Variants in CABYR observed in about 807,000 individuals in gnomAD.
CABYR encodes calcium binding tyrosine phosphorylation regulated, also known as calcium-binding tyrosine phosphorylation-regulated protein.
A neutral mutation model predicts 36.1 loss-of-function variants in CABYR; 31 were observed. The ratio of observed to expected loss-of-function variants is 0.86; its 90% confidence interval spans 0.64 to 1.16. The LOEUF is 1.16. CABYR is among the 50% of genes most tolerant of loss of function. The pLI is 0.00. For missense variants in CABYR, 429 were observed against 455.8 expected (o/e 0.94, Z 0.53); for synonymous variants, 146 against 160.7 (o/e 0.91, Z 0.69).
In CABYR at chr18:24,155,735, G is replaced by A; in HGVS notation, c.234G>A (p.Lys78=). 1 of 1,610,548 alleles carries A rather than the reference G, an allele frequency of 6.2e-7. No homozygotes were observed. Among genetic ancestry groups the A allele is most frequent in the South Asian group, 1.1e-5 (1 of 90,466 alleles). Residue 78 remains lysine (K), a synonymous_variant, in exon 4 of 6, where the codon AAG becomes AAA. Transcript: ENST00000399496. The part of the protein sequence containing the change: ...EKWSEGTTPQ[K]KLECLKEPGK... Reference sequence around the variant, plus strand: ...GGTCAGAAGGAACGACACCACAGAAGAAATTAGAATGTTTAAAAGAACCAG... The same window carrying A: ...GGTCAGAAGGAACGACACCACAGAAAAAATTAGAATGTTTAAAAGAACCAG...
At chr18:24,160,140 C>T (rs2085914167) in intron 5 of CABYR, 71 bp downstream of exon 5, 1 of 1,056,334 alleles carries the variant, frequency 9.5e-7, no homozygotes, top group Admixed American at 2.3e-5. Context: ...GATTTCTTGA[C>T]CTGGAGATTT....
At chr18:24,143,910 T>TC (rs1450791039) in intron 3 of CABYR, among the ~76,000 whole-genome samples, 1 of 151,554 alleles carries the variant, frequency 6.6e-6, no homozygotes, top group African/African-American at 2.4e-5. Context: ...TTTTTTTTTT[T>TC]CCTTTGCAAT....
chr18:24,155,787 C>G lies in CABYR; in HGVS notation c.286C>G (p.Pro96Ala), dbSNP rs1457643830. 3.7e-6 allele frequency: 6 copies of G among 1,613,832 alleles called. No individual in the cohort carries two copies. The highest frequency in any genetic ancestry group is 1.3e-5 in the African/African-American group (1 of 74,894). Residue 96 changes from proline to alanine, a missense_variant, in exon 4 of 6, where the codon CCT becomes GCT. Pro to Ala is a conservative substitution (Grantham distance 27). Coordinates refer to ENST00000399496, the MANE Select transcript of CABYR (RefSeq NM_153769.3). ...AAAAACATCTGTAGAATCTAAAGTA[C>G]CTACCCAGATGGAAAAATCTACAGA... The part of the protein sequence containing the change: ...PGKTSVESKV[P>A]TQMEKSTDTD...
At chr18:24,142,276 G>A (rs1041651582) in intron 1 of CABYR, among the ~76,000 whole-genome samples, 12 of 151,996 alleles carry the variant, frequency 7.9e-5, no homozygotes, top group African/African-American at 2.7e-4. Context: ...CTGAGATCAC[G>A]CCACTGCACT....
chr18:24,141,338 C>T (rs1425571930), intron 1 of CABYR, among the ~76,000 whole-genome samples: 1 of 152,154 alleles, frequency 6.6e-6, no homozygotes, highest in Non-Finnish European at 1.5e-5. Flanking sequence ...TGCCACTTAA[C>T]CCCGTGAAAC....
intron 3 of CABYR, chr18:24,152,790 C>T (rs2085674525): frequency 6.6e-6 from 1 of 152,218 alleles, no homozygotes; most frequent in African/African-American, 2.4e-5. Context: ...AATCCAATCC[C>T]TAGATTGGCT....
chr18:24,155,743 A>G lies in CABYR; in HGVS notation c.242A>G (p.Glu81Gly). 2 of 1,611,970 alleles carry G rather than the reference A, an allele frequency of 1.2e-6. No individual in the cohort carries two copies. The highest frequency in any genetic ancestry group is 1.7e-6 in the Non-Finnish European group (2 of 1,179,348). ...GGAACGACACCACAGAAGAAATTAGAATGTTTAAAAGAACCAGGAAAAACA... is the reference window on the plus strand; with the variant it reads ...GGAACGACACCACAGAAGAAATTAGGATGTTTAAAAGAACCAGGAAAAACA... ...SEGTTPQKKL[E>G]CLKEPGKTSV... The change falls in exon 4 of 6, where the codon GAA (glutamate) becomes GGA (glycine). Residue 81 changes from glutamate (E) to glycine (G), a missense_variant. Coordinates refer to ENST00000399496, the MANE Select transcript of CABYR (RefSeq NM_153769.3).
chr18:24,141,819 A>G (rs1370819354), intron 1 of CABYR, among the ~76,000 whole-genome samples: 1 of 152,204 alleles, frequency 6.6e-6, no homozygotes, highest in Non-Finnish European at 1.5e-5. Flanking sequence ...ACCACTTAAA[A>G]GGCAGAAAGG....
At chr18:24,157,335 G>A (rs761741585) in intron 4 of CABYR, among the ~76,000 whole-genome samples, 2 of 152,192 alleles carry the variant, frequency 1.3e-5, no homozygotes, top group African/African-American at 2.4e-5. Context: ...TTGCAAAACT[G>A]TAATTAGAGG....
intron 4 of CABYR, 76 bp downstream of exon 4, chr18:24,156,118 T>C: frequency 6.2e-7 from 1 of 1,614,194 alleles, no homozygotes; most frequent in Non-Finnish European, 8.5e-7. Context: ...CCTGTTGTTA[T>C]CAAGGAGGTG....
chr18:24,140,549 G>A (rs1048636451), intron 1 of CABYR, among the ~76,000 whole-genome samples: 3 of 151,924 alleles, frequency 2.0e-5, no homozygotes, highest in African/African-American at 7.3e-5. Context: ...TTTATCCTTT[G>A]TGTTACAAAC....
At chr18:24,154,299 A>G (rs1301146137) in intron 3 of CABYR, among the ~76,000 whole-genome samples, 1 of 152,128 alleles carries the variant, frequency 6.6e-6, no homozygotes, top group Non-Finnish European at 1.5e-5. Context: ...TACATGTAGT[A>G]TGTAGCACAA....
At chr18:24,160,185 G>A (rs1277131220) in intron 5 of CABYR, 116 bp downstream of exon 5, 3 of 780,558 alleles carry the variant, frequency 3.8e-6, no homozygotes, top group African/African-American at 1.7e-5. Context: ...AATAAGTTGG[G>A]GTATACTCTA....
chr18:24,158,032 C>T (rs563313074), intron 4 of CABYR, among the ~76,000 whole-genome samples: 19 of 152,274 alleles, frequency 1.2e-4, no homozygotes, highest in East Asian at 5.8e-4. Context: ...CAGAGGGCAG[C>T]GCTGGGAGTG....
intron 5 of CABYR, 134 bp from the exon 6 acceptor site, chr18:24,161,382 A>C (rs1207536800): frequency 1.4e-5 from 8 of 582,120 alleles, no homozygotes; most frequent in Admixed American, 6.2e-5. Flanking sequence ...TCAGTGCAAA[A>C]GCCCATAGGT....
In CABYR at chr18:24,143,023, A is replaced by C. The variant is rs1202110086; in HGVS notation, c.-24-68A>C. The C allele has an allele frequency of 3.0e-5, 4 of 134,474 alleles. No individual in the cohort carries two copies. The East Asian group carries it at 1.1e-3, about 39-fold the overall frequency. 8.3% of individuals were successfully genotyped at this position (134,474 alleles called of 1,614,324 possible). A position where few individuals can be genotyped will look rare whatever the true frequency, so the allele number is the denominator to read the frequency against. On this transcript the variant is annotated intron_variant, in intron 1 of 5. Coordinates refer to ENST00000399496, the MANE Select transcript of CABYR (RefSeq NM_153769.3). ...ACTCCAGCCTGGGTGACAGAGTCTC[A>C]AAAAAAAAAAAAAAAAAAACCTATT...
intron 3 of CABYR, among the ~76,000 whole-genome samples, chr18:24,151,739 G>C (rs2085642824): frequency 6.8e-6 from 1 of 147,390 alleles, no homozygotes; most frequent in African/African-American, 2.5e-5. Context: ...GCCCAAGCTG[G>C]AGTGCAGTGG....
At chr18:24,144,568 C>A (rs1228337198) in intron 3 of CABYR, among the ~76,000 whole-genome samples, 1 of 152,118 alleles carries the variant, frequency 6.6e-6, no homozygotes, top group Non-Finnish European at 1.5e-5. Flanking sequence ...GAGTCCAAGA[C>A]CAGCCTAGGC....
intron 4 of CABYR, among the ~76,000 whole-genome samples, chr18:24,157,711 A>C (rs944069802): frequency 7.2e-5 from 11 of 152,184 alleles, no homozygotes; most frequent in African/African-American, 2.2e-4. Flanking sequence ...GCCAAAATCA[A>C]GCTGCTTTCT....
Sources: gnomAD v4.1 joint callset for allele counts (sites outside exome capture counted in the v4.1 genomes callset) on GRCh38, gnomAD v4.1.1 for gene constraint, MANE v1.5 for transcripts, NCBI Gene and HGNC (gene_info 2026-07-23, HGNC 2026-07-21) for gene names.